TMEM181: variants seen among roughly 807,000 people sequenced by gnomAD.
The protein encoded by TMEM181 is G protein-coupled receptor 178.
In TMEM181, 39 loss-of-function variants were observed where a neutral mutation model predicts 71.9. That is an observed-to-expected ratio of 0.54 (90% CI 0.42 to 0.71). The LOEUF is 0.71. Ranked by LOEUF, TMEM181 falls within the 30% of genes least tolerant of loss-of-function variation. The probability of loss-of-function intolerance (pLI) is 0.00; values close to 1 mark genes in which losing one functional copy is unlikely to be tolerated. For synonymous variants in TMEM181, 245 were observed against 228.8 expected (o/e 1.07, Z -0.64); for missense variants, 595 against 583.0 (o/e 1.02, Z -0.21).
At chr6:158,589,142 A>G (rs777684129) in intron 5 of TMEM181, among the ~76,000 whole-genome samples, 1 of 152,256 alleles carries the variant, frequency 6.6e-6, no homozygotes, top group Non-Finnish European at 1.5e-5. Context: ...CTGTGCACAC[A>G]GCCTTTGCTT....
At position 158,620,048 on chromosome 6, in the gene TMEM181, T is replaced by C. The variant is rs937528228; in HGVS notation, c.897-3502T>C. Among the ~76,000 whole-genome samples, 63 of 152,288 alleles carry C rather than the reference T, an allele frequency of 4.1e-4. 1 individual carries two copies. Among genetic ancestry groups the C allele is most frequent in the Middle Eastern group, 3.4e-3 (1 of 294 alleles). ...GCTGTTCTCAGGCAATTGGCTGTTA[T>C]TATCTTGTTTGTATTGGGACCAGGC... On this transcript the variant is annotated intron_variant, in intron 10 of 16. Transcript: ENST00000684151. This position sits in a 1 kb window ranked among gnomAD's most constrained non-coding sequence, Gnocchi z 4.5.
At chr6:158,538,090 G>A (rs1250372764) in intron 1 of TMEM181, among the ~76,000 whole-genome samples, 2 of 151,558 alleles carry the variant, frequency 1.3e-5, no homozygotes, top group Non-Finnish European at 1.5e-5. Flanking sequence ...TGTTAAATAA[G>A]ATTATTTCCA....
intron 1 of TMEM181, among the ~76,000 whole-genome samples, chr6:158,553,999 C>T (rs372733990): frequency 1.2e-4 from 18 of 152,240 alleles, no homozygotes; most frequent in East Asian, 3.9e-4. Context: ...CCCCACCTCC[C>T]GGGTTAAAGT....
intron 7 of TMEM181, 71 bp from the exon 8 acceptor site, chr6:158,607,173 C>T: frequency 2.4e-6 from 3 of 1,267,686 alleles, no homozygotes; most frequent in East Asian, 2.3e-5. Context: ...GGTATGCCGG[C>T]AAGGTGTGAG....
At chr6:158,623,684 T>C in intron 11 of TMEM181, 77 bp downstream of exon 11, 1 of 1,084,774 alleles carries the variant, frequency 9.2e-7, no homozygotes, top group South Asian at 1.6e-5. Flanking sequence ...GTGACTTAAA[T>C]TGTTCTGTTG....
At chr6:158,561,692 G>A (rs949212960) in intron 1 of TMEM181, among the ~76,000 whole-genome samples, 12 of 152,208 alleles carry the variant, frequency 7.9e-5, no homozygotes, top group Admixed American at 1.3e-4. Flanking sequence ...ACCAAGGAAA[G>A]GTCCCGAGGA....
intron 6 of TMEM181, among the ~76,000 whole-genome samples, chr6:158,598,777 C>A (rs950046912): frequency 1.3e-5 from 2 of 151,852 alleles, no homozygotes; most frequent in African/African-American, 4.8e-5. Flanking sequence ...GGGTTCAGGC[C>A]ATTCTCCTGC....
At chr6:158,604,339 T>TGC (rs1400903871) in intron 6 of TMEM181, among the ~76,000 whole-genome samples, 6 of 49,586 alleles carry the variant, frequency 1.2e-4, no homozygotes, top group African/African-American at 3.8e-4. Flanking sequence ...TGCATGCGTG[T>TGC]GTGTGTGTGT....
chr6:158,565,029 G>T (rs1782405386), intron 1 of TMEM181, among the ~76,000 whole-genome samples: 1 of 152,172 alleles, frequency 6.6e-6, no homozygotes, highest in African/African-American at 2.4e-5. Context: ...CGAGATGAAG[G>T]TGTCTCTCAC....
chr6:158,550,433 G>A (rs1398151642), intron 1 of TMEM181, among the ~76,000 whole-genome samples: 5 of 151,730 alleles, frequency 3.3e-5, no homozygotes, highest in East Asian at 2.0e-4. Context: ...CGTGGCTGGC[G>A]GATCACAAGG....
intron 4 of TMEM181, 123 bp downstream of exon 4, chr6:158,584,167 A>G (rs936846587): frequency 3.8e-5 from 29 of 757,568 alleles, no homozygotes; most frequent in Non-Finnish European, 5.8e-5. Flanking sequence ...GATGTCCATT[A>G]TTATTTATCA....
chr6:158,580,897 A>T lies in TMEM181; in HGVS notation c.113-43A>T, dbSNP rs199637409. 32 of 1,540,644 alleles carry T rather than the reference A, an allele frequency of 2.1e-5. No homozygotes were observed. The Admixed American group carries it at 2.4e-4, about 12-fold the overall frequency. On this transcript the variant is annotated intron_variant, in intron 2 of 16. Transcript: ENST00000684151. ...TTTGGAAAAAAATACTAAATTATCA[A>T]TATTGCTATAATCTGCTTTTGTCCT...
chr6:158,622,245 T>TG (rs1786005116), intron 10 of TMEM181, among the ~76,000 whole-genome samples: 1 of 152,326 alleles, frequency 6.6e-6, no homozygotes, highest in South Asian at 2.1e-4. Flanking sequence ...TAACAATATA[T>TG]TATAATAAAA....
intron 10 of TMEM181, chr6:158,610,337 C>T (rs999112959): frequency 9.3e-5 from 27 of 289,312 alleles, no homozygotes; most frequent in Non-Finnish European, 8.5e-5. Context: ...TTCAACAGCT[C>T]CCCCCGTAGG....
At chr6:158,555,357 A>T (rs1350826637), upstream of TMEM181, among the ~76,000 whole-genome samples, 1 of 152,190 alleles carries the variant, frequency 6.6e-6, no homozygotes, top group Non-Finnish European at 1.5e-5. Flanking sequence ...CATTACCCCA[A>T]ACAATTATTA....
At chr6:158,623,782 T>C (rs1290317315) in intron 11 of TMEM181, among the ~76,000 whole-genome samples, 175 bp downstream of exon 11, 1 of 151,438 alleles carries the variant, frequency 6.6e-6, no homozygotes, top group Admixed American at 6.6e-5. Flanking sequence ...TTTTTTTGAG[T>C]TGGAGTCTTG....
intron 5 of TMEM181, among the ~76,000 whole-genome samples, chr6:158,589,260 C>G (rs1279411002): frequency 2.6e-5 from 4 of 152,188 alleles, no homozygotes; most frequent in Non-Finnish European, 5.9e-5. Context: ...TCACTCTGTT[C>G]ATTATTATAA....
chr6:158,604,578 C>G lies in TMEM181; in HGVS notation c.493-689C>G, dbSNP rs530113847. Among the ~76,000 whole-genome samples the G allele has an allele frequency of 2.1e-3, 313 of 152,322 alleles. 1 individual carries two copies. Among genetic ancestry groups the G allele is most frequent in the African/African-American group, 7.1e-3 (296 of 41,576 alleles). The stretch of plus-strand genomic sequence containing the variant: ...CTGTCCTCGGCTCCATCAGTGCACA[C>G]TTGGCACACGTGGGACTGTCCAGTC... On this transcript the variant is annotated intron_variant, in intron 6 of 16. Coordinates refer to ENST00000684151, the MANE Select transcript of TMEM181 (RefSeq NM_001376852.1).
rs368524017 is a variant in TMEM181, at chr6:158,549,977, C to T, written c.131+13112C>T. Among the ~76,000 whole-genome samples the T allele has an allele frequency of 4.4e-3, 460 of 105,170 alleles. 5 individuals are homozygous for T. Among genetic ancestry groups the T allele is most frequent in the African/African-American group, 0.017 (438 of 26,344 alleles). The allele number at this position is 105,170 out of a possible 152,430, so 69.0% of individuals were successfully genotyped here. A position where few individuals can be genotyped will look rare whatever the true frequency, so the allele number is the denominator to read the frequency against. On this transcript the variant is annotated intron_variant, in intron 1 of 16. Transcript: ENST00000367090. ...CTTTTTTTTTTTTTTTTTTTTAACA[C>T]AAGTGACTCCACTTTGATTCTGATA...
Sources: allele counts gnomAD v4.1 joint callset (sites outside exome capture counted in the v4.1 genomes callset), GRCh38; gene constraint gnomAD v4.1.1; non-coding constraint Gnocchi (gnomAD v3.1); transcripts MANE v1.5; gene names NCBI Gene and HGNC (gene_info 2026-07-23, HGNC 2026-07-21).